The following ZMYND8 variants were observed in gnomAD, a reference collection of about 807,000 sequenced individuals.
The protein encoded by ZMYND8 is zinc finger MYND-type containing 8.
Under a neutral mutation model 140.8 loss-of-function variants are expected in ZMYND8, and 37 were observed. That is an observed-to-expected ratio of 0.26 (90% CI 0.20 to 0.35). ZMYND8 has a LOEUF of 0.35. Ranked by LOEUF, ZMYND8 falls within the 10% of genes least tolerant of loss-of-function variation. The pLI, the probability that ZMYND8 is intolerant of heterozygous loss-of-function variation, is 1.00. For synonymous variants in ZMYND8, 592 were observed against 597.1 expected, an observed-to-expected ratio of 0.99 and a Z score of 0.12; for missense variants, 1,068 against 1,570.0, an observed-to-expected ratio of 0.68 and a Z score of 5.40.
At chr20:47,216,482 G>A (rs556786122) in intron 21 of ZMYND8, among the ~76,000 whole-genome samples, 157 of 101,688 alleles carry the variant, frequency 1.5e-3, no homozygotes, top group African/African-American at 6.1e-3. Context: ...ACAACAGAGC[G>A]AAGACTCTGT....
chr20:47,297,275 G>A (rs1255674776), intron 4 of ZMYND8, among the ~76,000 whole-genome samples: 1 of 152,014 alleles, frequency 6.6e-6, no homozygotes, highest in East Asian at 1.9e-4. Context: ...TTCTTTTTAT[G>A]TATTTCTTAT....
At position 47,229,419 on chromosome 20, in the gene ZMYND8, C is replaced by A. The variant is rs112518251; in HGVS notation, c.2937+307G>T. Among the ~76,000 whole-genome samples the A allele has an allele frequency of 2.8e-4, 43 of 152,234 alleles. 1 individual carries two copies. Among genetic ancestry groups the A allele is most frequent in the Middle Eastern group, 6.8e-3 (2 of 294 alleles). On this transcript the variant is annotated intron_variant, in intron 17 of 22. Transcript: ENST00000471951. ...AAAGTCCAAACTTCCAGAGAAGATT[C>A]AGGAGCCAGTTTTACATGAAGCAAA...
chr20:47,333,975 A>G (rs956410473), intron 2 of ZMYND8, among the ~76,000 whole-genome samples: 1 of 152,154 alleles, frequency 6.6e-6, no homozygotes, highest in African/African-American at 2.4e-5. Context: ...GAATAAATAA[A>G]TAAATAAGCA....
At chr20:47,283,705 C>T in intron 8 of ZMYND8, 57 bp from the exon 9 acceptor site, 1 of 1,520,604 alleles carries the variant, frequency 6.6e-7, no homozygotes, top group South Asian at 1.1e-5. Context: ...TCTTGTGGAC[C>T]TCAATCAATG....
intron 2 of ZMYND8, among the ~76,000 whole-genome samples, chr20:47,311,986 G>A (rs2078971217): frequency 6.6e-6 from 1 of 152,164 alleles, no homozygotes; most frequent in East Asian, 1.9e-4. Context: ...TTAACTTAGG[G>A]ACGATGTAAT....
intron 2 of ZMYND8, among the ~76,000 whole-genome samples, chr20:47,317,133 T>C (rs550148832): frequency 1.3e-5 from 2 of 152,278 alleles, no homozygotes; most frequent in South Asian, 4.1e-4. Context: ...TTGCCTTTTT[T>C]CCCCTAAACT....
At chr20:47,218,690 CAAGGGG>C (rs1180765212) in intron 21 of ZMYND8, among the ~76,000 whole-genome samples, 2 of 152,154 alleles carry the variant, frequency 1.3e-5, no homozygotes, top group African/African-American at 4.8e-5. Flanking sequence ...GAGCCTGTTA[CAAGGGG>C]AAGTGAAGAG....
intron 12 of ZMYND8, among the ~76,000 whole-genome samples, chr20:47,258,914 G>A (rs1046218895): frequency 1.3e-5 from 2 of 152,030 alleles, no homozygotes; most frequent in Admixed American, 1.3e-4. Flanking sequence ...CAATGCTCTT[G>A]TTCCTGCTGA....
rs1356035537 is a variant in ZMYND8, at chr20:47,356,122, C to T, written c.14+535G>A. Among the ~76,000 whole-genome samples the T allele has an allele frequency of 2.6e-5, 4 of 152,074 alleles. No individual in the cohort carries two copies. The East Asian group carries it at 7.7e-4, about 29-fold the overall frequency. On this transcript the variant is annotated intron_variant, in intron 1 of 22. Transcript: ENST00000471951. The stretch of plus-strand genomic sequence containing the variant: ...CAAACACGCTCCTCTCTTGTCAAAA[C>T]TTATCCAGCCTTCCCAGAACCTCTT...
At chr20:47,333,735 A>C (rs1390799745) in intron 2 of ZMYND8, among the ~76,000 whole-genome samples, 1 of 112,658 alleles carries the variant, frequency 8.9e-6, no homozygotes, top group East Asian at 2.5e-4. Context: ...AAAAAAAAAA[A>C]AAAAAAAAAA....
intron 2 of ZMYND8, among the ~76,000 whole-genome samples, chr20:47,334,605 A>ATATAT (rs1556420980): frequency 2.1e-4 from 30 of 141,722 alleles, no homozygotes; most frequent in Admixed American, 5.7e-4. Flanking sequence ...GAAAAAAAAA[A>ATATAT]ATATATATAT....
intron 2 of ZMYND8, among the ~76,000 whole-genome samples, chr20:47,311,351 T>G (rs2148226407): frequency 6.6e-6 from 1 of 152,272 alleles, no homozygotes; most frequent in East Asian, 1.9e-4. Flanking sequence ...GGCTCACACC[T>G]ATAAACCCCA....
At chr20:47,349,835 G>GGT in intron 1 of ZMYND8, 1 of 1,522,796 alleles carries the variant, frequency 6.6e-7, no homozygotes. Context: ...AAACAATTAT[G>GGT]CAGAACTGAG....
At chr20:47,240,378 G>C (rs1266088293) in intron 14 of ZMYND8, among the ~76,000 whole-genome samples, 2 of 151,838 alleles carry the variant, frequency 1.3e-5, no homozygotes, top group Non-Finnish European at 2.9e-5. Context: ...GCCGGGTGCG[G>C]TGGCAGGCGC....
chr20:47,225,638 A>C (rs2037612014), intron 18 of ZMYND8, among the ~76,000 whole-genome samples: 2 of 103,410 alleles, frequency 1.9e-5, no homozygotes, highest in African/African-American at 3.8e-5. Context: ...TCCTTCAAAT[A>C]CTCTTCCTGA....
rs1373524169 is a variant in ZMYND8 at position 47,293,064 on chromosome 20, A to AAAGG, written c.568-1180_568-1177dup. Reference sequence around the variant, plus strand: ...AGCAACAGTCTGCCTCCAAAAAAAGAAAGGAAGGAAGGGAGGGAGGTAGGG... The same window carrying AAAGG: ...AGCAACAGTCTGCCTCCAAAAAAAGAAAGGAAGGAAGGAAGGGAGGGAGGTAGGG... On this transcript the variant is annotated intron_variant, in intron 5 of 22. Coordinates refer to ENST00000471951, the MANE Select transcript of ZMYND8 (RefSeq NM_001281775.3). 3.4e-5 allele frequency among the ~76,000 whole-genome samples: 5 copies of AAAGG among 146,576 alleles called. No individual in the cohort carries two copies. In the South Asian group the frequency reaches 1.1e-3, roughly 33 times the overall value.
At chr20:47,250,832 A>C (rs1316348017) in intron 12 of ZMYND8, among the ~76,000 whole-genome samples, 1 of 152,182 alleles carries the variant, frequency 6.6e-6, no homozygotes, top group Non-Finnish European at 1.5e-5. Context: ...AAATTGCTCC[A>C]ACTTAATTTT....
At chr20:47,328,399 A>C (rs952602619) in intron 2 of ZMYND8, among the ~76,000 whole-genome samples, 1 of 152,072 alleles carries the variant, frequency 6.6e-6, no homozygotes, top group Non-Finnish European at 1.5e-5. Context: ...GTTGTCAAGG[A>C]GATACACTGA....
intron 11 of ZMYND8, among the ~76,000 whole-genome samples, chr20:47,267,200 C>T (rs555013468): frequency 6.8e-6 from 1 of 146,230 alleles, no homozygotes; most frequent in East Asian, 2.0e-4. Context: ...AAAGTCAGTT[C>T]AAACAGAACA....
Sources: allele counts gnomAD v4.1 joint callset (sites outside exome capture counted in the v4.1 genomes callset), GRCh38; gene constraint gnomAD v4.1.1; transcripts MANE v1.5; gene names NCBI Gene and HGNC (gene_info 2026-07-23, HGNC 2026-07-21).